Variants in C4BPB observed in about 807,000 individuals in gnomAD.
C4BPB encodes the protein complement component 4 binding protein beta.
In C4BPB, 19 loss-of-function variants were observed where a neutral mutation model predicts 26.6. That is an observed-to-expected ratio of 0.71 (90% CI 0.50 to 1.05). The LOEUF (loss-of-function observed/expected upper bound fraction) is 1.05, where lower values mean the gene tolerates loss of function less well. C4BPB is among the 50% of genes least tolerant of loss of function. The probability of loss-of-function intolerance (pLI) is 0.00; values close to 1 mark genes in which losing one functional copy is unlikely to be tolerated. For missense variants in C4BPB, 282 were observed against 302.9 expected (o/e 0.93, Z 0.51); for synonymous variants, 118 against 103.5 (o/e 1.14, Z -0.85).
chr1:207,098,097 A>G (rs992765887), intron 5 of C4BPB, 53 bp from the exon 6 acceptor site: 4 of 1,397,960 alleles, frequency 2.9e-6, no homozygotes, highest in African/African-American at 2.8e-5. Context: ...ACCAGTCTCC[A>G]TTACCCAATT....
intron 6 of C4BPB, 136 bp from the exon 7 acceptor site, chr1:207,099,653 A>G: frequency 1.7e-6 from 1 of 603,456 alleles, no homozygotes; most frequent in Non-Finnish European, 2.8e-6. Context: ...TGCCATGTTG[A>G]AAACCCAAAT....
At chr1:207,096,648 T>C in intron 5 of C4BPB, 33 bp downstream of exon 5, 1 of 1,253,842 alleles carries the variant, frequency 8.0e-7, no homozygotes, top group South Asian at 1.3e-5. Context: ...ATGCCAGATC[T>C]TGCCCCTTGG....
intron 1 of C4BPB, 98 bp downstream of exon 1, chr1:207,089,044 A>C (rs1683918236): frequency 6.3e-6 from 1 of 158,124 alleles, no homozygotes; most frequent in South Asian, 1.9e-4. Flanking sequence ...AGCATTCAAA[A>C]TTGTGTTCTA....
chr1:207,090,990 C>A (rs1310919153), intron 3 of C4BPB, among the ~76,000 whole-genome samples: 1 of 152,078 alleles, frequency 6.6e-6, no homozygotes, highest in Non-Finnish European at 1.5e-5. Context: ...AGTTTGTATT[C>A]TCAGTTTACC....
chr1:207,097,494 A>G (rs1429771873), intron 5 of C4BPB, among the ~76,000 whole-genome samples: 2 of 150,340 alleles, frequency 1.3e-5, no homozygotes, highest in African/African-American at 2.4e-5. Flanking sequence ...AAGTGCTGGA[A>G]TTACAAACAT....
At chr1:207,099,757 G>A (rs371731620) in intron 6 of C4BPB, 32 bp from the exon 7 acceptor site, 5 of 1,601,568 alleles carry the variant, frequency 3.1e-6, no homozygotes, top group Non-Finnish European at 4.3e-6. Flanking sequence ...CAGTCCTTAT[G>A]TTGTAACTTG....
chr1:207,092,547 AT>A (rs1223522558), intron 4 of C4BPB, among the ~76,000 whole-genome samples: 1 of 151,312 alleles, frequency 6.6e-6, no homozygotes, highest in African/African-American at 2.4e-5. Context: ...TTATTTTAAT[AT>A]TTTTTATATT....
chr1:207,099,926 G>T lies in C4BPB; in HGVS notation c.756G>T (p.Leu252Phe), dbSNP rs779582374. The change falls in exon 7 of 7, where the codon TTG (leucine) becomes TTT (phenylalanine). Residue 252 changes from leucine to phenylalanine, a missense_variant. Physicochemically the swap from Leu to Phe is conservative, Grantham distance 22. Coordinates refer to ENST00000367078, the MANE Select transcript of C4BPB (RefSeq NM_001017365.3). ...LKKAELKAKL[L>F] ...AAGCTGAGTTGAAGGCAAAATTGTT[G>T]TAACACTACAGCTGAGCAGATGTAA... The T allele has an allele frequency of 1.9e-6, 3 of 1,612,348 alleles. No individual in the cohort carries two copies. The highest frequency in any genetic ancestry group is 1.7e-5 in the Admixed American group (1 of 59,622).
chr1:207,096,477 G>T, intron 4 of C4BPB, 45 bp from the exon 5 acceptor site: 4 of 1,150,412 alleles, frequency 3.5e-6, no homozygotes, highest in Non-Finnish European at 5.3e-6. Flanking sequence ...TTCATTGAGC[G>T]TGCCTGGCCC....
intron 2 of C4BPB, among the ~76,000 whole-genome samples, chr1:207,090,064 G>A (rs564927846): frequency 5.6e-4 from 85 of 152,318 alleles, no homozygotes; most frequent in Non-Finnish European, 1.0e-3. Context: ...GAGGTCAAGA[G>A]ATCGAGACCA....
In C4BPB at chr1:207,089,266, A is replaced by G. The variant is rs17020462; in HGVS notation, c.-50-216A>G. The stretch of plus-strand genomic sequence containing the variant: ...TCCCAGAAACCAGGAAATTTCTGAA[A>G]CTGAGTTTTAAACCTGGCAACTCTT... On this transcript the variant is annotated intron_variant, in intron 1 of 6. Coordinates refer to ENST00000367078, the MANE Select transcript of C4BPB (RefSeq NM_001017365.3). 1.9e-3 allele frequency: 806 copies of G among 414,546 alleles called. 4 individuals are homozygous for G. Among genetic ancestry groups the G allele is most frequent in the African/African-American group, 0.015 (757 of 49,000 alleles). 25.7% of individuals were successfully genotyped at this position (414,546 alleles called of 1,614,324 possible).
intron 2 of C4BPB, among the ~76,000 whole-genome samples, chr1:207,089,906 A>T (rs1214865984): frequency 6.6e-6 from 1 of 152,120 alleles, no homozygotes; most frequent in African/African-American, 2.4e-5. Flanking sequence ...TGTGTAGGGG[A>T]CTATTTGTTT....
At chr1:207,097,883 G>T in intron 5 of C4BPB, 1 of 299,470 alleles carries the variant, frequency 3.3e-6, no homozygotes, top group South Asian at 6.8e-5. Context: ...CCAAAACCTG[G>T]GTGTGTAAAC....
chr1:207,098,305 C>T (rs1413979844), intron 6 of C4BPB, 41 bp downstream of exon 6: 1 of 1,213,874 alleles, frequency 8.2e-7, no homozygotes, highest in Non-Finnish European at 1.2e-6. Context: ...ACAGCTGGAT[C>T]TCCAGGGCCT....
rs768401400 is a variant in C4BPB, at chr1:207,090,468, T to C, written c.219T>C (p.Thr73=). 2.5e-6 allele frequency: 4 copies of C among 1,610,100 alleles called. No homozygotes were observed. The East Asian group carries it at 9.0e-5, about 36-fold the overall frequency. Residue 73 remains threonine, a synonymous_variant, in exon 3 of 7, where the codon ACT becomes ACC. Coordinates refer to ENST00000367078, the MANE Select transcript of C4BPB (RefSeq NM_001017365.3). ...CNASKEWDNT[T]TECRLGHCPD... Reference sequence around the variant, plus strand: ...CCTCTAAGGAGTGGGATAACACCACTACTGAGTGCCGCTGTAAGTTAGATC... The same window carrying C: ...CCTCTAAGGAGTGGGATAACACCACCACTGAGTGCCGCTGTAAGTTAGATC...
In C4BPB at chr1:207,098,150, G is replaced by T. The variant is rs1416700436; in HGVS notation, c.504G>T (p.Arg168Ser). The T allele has an allele frequency of 4.3e-6, 7 of 1,611,950 alleles. 1 individual carries two copies. In the East Asian group the frequency reaches 8.9e-5, roughly 21 times the overall value. Residue 168 changes from arginine (R) to serine (S), a missense_variant and splice_region_variant, in exon 6 of 7, where the codon AGG (arginine) becomes AGT (serine). Transcript: ENST00000367078. ...GSTISYYCED[R>S]YYLVGVQEQQ... The stretch of plus-strand genomic sequence containing the variant: ...AAGCCTTGTTCTAATTTCTGTTCAG[G>T]TACTACTTAGTGGGCGTGCAGGAGC...
intron 2 of C4BPB, 113 bp downstream of exon 2, chr1:207,089,702 T>G (rs1308429516): frequency 1.1e-6 from 1 of 877,168 alleles, no homozygotes. Flanking sequence ...ATCTTTATTC[T>G]TCTATTGAAA....
At chr1:207,092,678 A>T (rs1391789612) in intron 4 of C4BPB, among the ~76,000 whole-genome samples, 1 of 138,564 alleles carries the variant, frequency 7.2e-6, no homozygotes, top group Non-Finnish European at 1.5e-5. Context: ...CCCAGGCTGG[A>T]GTGCAGTGGT....
chr1:207,098,533 G>C (rs934258152), intron 6 of C4BPB, among the ~76,000 whole-genome samples: 3 of 152,296 alleles, frequency 2.0e-5, no homozygotes, highest in Admixed American at 1.3e-4. Context: ...TTATAGAGCA[G>C]TGGTTCCCAA....
Sources: gnomAD v4.1 joint callset for allele counts (sites outside exome capture counted in the v4.1 genomes callset) on GRCh38, gnomAD v4.1.1 for gene constraint, MANE v1.5 for transcripts, NCBI Gene and HGNC (gene_info 2026-07-23, HGNC 2026-07-21) for gene names.